The following EIPR1 variants were observed in gnomAD, a reference collection of about 807,000 sequenced individuals.
EIPR1 encodes the protein EARP and GARP complex-interacting protein 1.
Under a neutral mutation model 48.1 loss-of-function variants are expected in EIPR1, and 25 were observed. The ratio of observed to expected loss-of-function variants is 0.52; its 90% CI spans 0.38 to 0.73. The LOEUF is 0.73. EIPR1 is among the 30% of genes least tolerant of loss of function. The pLI is 0.00. For missense variants in EIPR1, 415 were observed against 506.2 expected (o/e 0.82, Z 1.73); for synonymous variants, 204 against 201.9 (o/e 1.01, Z -0.09).
At chr2:3,348,850 CAGG>C (rs1396964742) in intron 2 of EIPR1, among the ~76,000 whole-genome samples, 4 of 152,232 alleles carry the variant, frequency 2.6e-5, no homozygotes, top group Non-Finnish European at 5.9e-5. Context: ...TCCGACTGTG[CAGG>C]AGGAGACCAG....
At chr2:3,350,053 G>C (rs997391795) in intron 2 of EIPR1, among the ~76,000 whole-genome samples, 3 of 143,392 alleles carry the variant, frequency 2.1e-5, no homozygotes, top group African/African-American at 7.7e-5. Context: ...GGGAGGCAGA[G>C]GTTGCAGTGA....
chr2:3,362,168 G>C (rs1290605683), intron 1 of EIPR1, among the ~76,000 whole-genome samples: 1 of 152,050 alleles, frequency 6.6e-6, no homozygotes, highest in African/African-American at 2.4e-5. Context: ...AGTCCCACCA[G>C]CCCCTTTCAT....
At chr2:3,263,186 G>A (rs1264973577) in intron 3 of EIPR1, among the ~76,000 whole-genome samples, 1 of 152,190 alleles carries the variant, frequency 6.6e-6, no homozygotes, top group Non-Finnish European at 1.5e-5. Context: ...TGATTGTGAA[G>A]AACGGTGATC....
intron 7 of EIPR1, among the ~76,000 whole-genome samples, chr2:3,192,870 G>GAAAAAA (rs5828967): frequency 6.9e-6 from 1 of 145,060 alleles, no homozygotes. Flanking sequence ...TCTAAAATTC[G>GAAAAAA]AAAAAAAAAA....
At position 3,377,791 on chromosome 2, in the gene EIPR1, C is replaced by T; in HGVS notation, c.-102G>A. The T allele has an allele frequency of 7.2e-7, 1 of 1,396,900 alleles. No individual in the cohort carries two copies. Among genetic ancestry groups the T allele is most frequent in the South Asian group, 1.3e-5 (1 of 78,768 alleles). 86.5% of individuals were successfully genotyped at this position (1,396,900 alleles called of 1,614,324 possible). A position where few individuals can be genotyped will look rare whatever the true frequency, so the allele number is the denominator to read the frequency against. ...GGCGTGTTCCCAGCGCCCATTCATT[C>T]CCTCCCCGCAGCAAACGACTCCAAA... is the stretch of plus-strand genomic sequence containing the variant. On this transcript the variant is annotated 5_prime_UTR_variant, in exon 1 of 9. Transcript: ENST00000382125.
rs55667121 is a variant in EIPR1 at position 3,341,095 on chromosome 2, CAAAAAAA to C, written c.127-2953_127-2947del. 2.2e-3 allele frequency among the ~76,000 whole-genome samples: 49 copies of C among 22,198 alleles called. 2 individuals carry two copies. The highest frequency in any genetic ancestry group is 5.8e-3 in the African/African-American group (45 of 7,772). 14.6% of individuals were successfully genotyped at this position (22,198 alleles called of 152,430 possible). A position where few individuals can be genotyped will look rare whatever the true frequency, so the allele number is the denominator to read the frequency against. On this transcript the variant is annotated intron_variant, in intron 2 of 8. Coordinates refer to ENST00000382125, the MANE Select transcript of EIPR1 (RefSeq NM_003310.5). ...TGGGTGACAGAGTGAGATCCTGTCT[CAAAAAAA>C]AAAAAAAAAAAAAAAAAACAAAACA...
At chr2:3,250,914 C>A (rs142494385) in intron 4 of EIPR1, among the ~76,000 whole-genome samples, 1 of 152,178 alleles carries the variant, frequency 6.6e-6, no homozygotes, top group African/African-American at 2.4e-5. Context: ...CTTATATAGC[C>A]TGCAGAACCC....
chr2:3,193,686 T>C (rs1664691336), intron 7 of EIPR1, among the ~76,000 whole-genome samples: 1 of 152,156 alleles, frequency 6.6e-6, no homozygotes. Flanking sequence ...TGATGGACAT[T>C]TGGGTGGTTT....
chr2:3,376,125 G>A (rs190819076), intron 1 of EIPR1, among the ~76,000 whole-genome samples: 166 of 151,812 alleles, frequency 1.1e-3, no homozygotes, highest in African/African-American at 3.6e-3. Flanking sequence ...GGAAAAAAAA[G>A]GAATTTTCTC....
In EIPR1 at chr2:3,305,588, T is replaced by C. The variant is rs188087302; in HGVS notation, c.259+32429A>G. On this transcript the variant is annotated intron_variant, in intron 3 of 8. Coordinates refer to ENST00000382125, the MANE Select transcript of EIPR1 (RefSeq NM_003310.5). ...CCTCCACTCCTGTCCTGTGCCCCCA[T>C]TGAGTAACGGACTGGGGCCACCTTC... Among the ~76,000 whole-genome samples the C allele has an allele frequency of 8.8e-3, 1,339 of 152,336 alleles. 11 individuals carry two copies. Among genetic ancestry groups the C allele is most frequent in the Non-Finnish European group, 0.014 (973 of 68,032 alleles).
At chr2:3,210,897 C>T (rs1049799958) in intron 5 of EIPR1, among the ~76,000 whole-genome samples, 1 of 152,144 alleles carries the variant, frequency 6.6e-6, no homozygotes, top group Non-Finnish European at 1.5e-5. Context: ...CCTCAACCTC[C>T]CAAAGTGCTG....
chr2:3,351,829 G>A (rs532275644), intron 2 of EIPR1, among the ~76,000 whole-genome samples: 1 of 152,326 alleles, frequency 6.6e-6, no homozygotes, highest in Admixed American at 6.5e-5. Context: ...TCAGTTACCT[G>A]TGGTCAAGTG....
intron 3 of EIPR1, among the ~76,000 whole-genome samples, chr2:3,302,304 G>T (rs1668785906): frequency 6.6e-6 from 1 of 152,124 alleles, no homozygotes; most frequent in African/African-American, 2.4e-5. Context: ...TGAAGCCTGG[G>T]CAGCACAGCA....
chr2:3,306,812 A>G (rs1177136840), intron 3 of EIPR1, among the ~76,000 whole-genome samples: 1 of 152,160 alleles, frequency 6.6e-6, no homozygotes, highest in Non-Finnish European at 1.5e-5. Context: ...AAGAAAATCC[A>G]TGCGTAAGTG....
rs1213557208 is a variant in EIPR1 at position 3,331,143 on chromosome 2, G to A, written c.259+6874C>T. On this transcript the variant is annotated intron_variant, in intron 3 of 8. Coordinates refer to ENST00000382125, the MANE Select transcript of EIPR1 (RefSeq NM_003310.5). Reference sequence around the variant, plus strand: ...AGGTGGTGTGAGCAGAAGCAGGCGTGTGCACACTCATGAGATGGTGTGAGC... The same window carrying A: ...AGGTGGTGTGAGCAGAAGCAGGCGTATGCACACTCATGAGATGGTGTGAGC... 5.8e-3 allele frequency among the ~76,000 whole-genome samples: 778 copies of A among 134,034 alleles called. 102 individuals are homozygous for A. The highest frequency in any genetic ancestry group is 8.0e-3 in the Non-Finnish European group (477 of 59,528). 87.9% of individuals were successfully genotyped at this position (134,034 alleles called of 152,430 possible).
chr2:3,214,582 G>A (rs1665567706), intron 4 of EIPR1: 1 of 193,980 alleles, frequency 5.2e-6, no homozygotes, highest in Non-Finnish European at 1.1e-5. Context: ...TGCAGTGGAT[G>A]CACCTAACCC....
chr2:3,227,036 A>C (rs1666085795), intron 4 of EIPR1, among the ~76,000 whole-genome samples: 1 of 152,218 alleles, frequency 6.6e-6, no homozygotes, highest in Non-Finnish European at 1.5e-5. Flanking sequence ...GCAGCATGAA[A>C]ACAGACAAAT....
At chr2:3,227,892 GA>G (rs1490656766) in intron 4 of EIPR1, among the ~76,000 whole-genome samples, 1 of 152,266 alleles carries the variant, frequency 6.6e-6, no homozygotes, top group African/African-American at 2.4e-5. Flanking sequence ...TGGGTGAAAA[GA>G]AGTCAAGAAC....
intron 3 of EIPR1, among the ~76,000 whole-genome samples, chr2:3,283,310 C>T (rs866339056): frequency 6.6e-6 from 1 of 152,188 alleles, no homozygotes; most frequent in South Asian, 2.1e-4. Context: ...CGCACTGGTC[C>T]GAGCAGCCAA....
Sources: allele counts gnomAD v4.1 joint callset (sites outside exome capture counted in the v4.1 genomes callset), GRCh38; gene constraint gnomAD v4.1.1; transcripts MANE v1.5; gene names NCBI Gene and HGNC (gene_info 2026-07-23, HGNC 2026-07-21).